RBM20: variants seen among roughly 807,000 people sequenced by gnomAD.
RBM20 encodes the protein RNA binding motif protein 20, also known as RNA-binding protein 20.
Under a neutral mutation model 110.1 loss-of-function variants are expected in RBM20, and 51 were observed. That is an observed-to-expected ratio of 0.46 (90% confidence interval 0.37 to 0.59). The LOEUF is 0.59. RBM20 is among the 20% of genes least tolerant of loss of function. RBM20 has a pLI of 0.00. For synonymous variants in RBM20, 589 were observed against 618.2 expected, an observed-to-expected ratio of 0.95 and a Z score of 0.70; for missense variants, 1,512 against 1,574.9, an observed-to-expected ratio of 0.96 and a Z score of 0.68.
intron 1 of RBM20, among the ~76,000 whole-genome samples, chr10:110,706,016 G>A (rs898070959): frequency 6.6e-5 from 10 of 151,840 alleles, no homozygotes; most frequent in Admixed American, 2.6e-4. Context: ...GGGAGGTGGC[G>A]TTTGCAGTGA....
At chr10:110,719,839 C>G (rs1843483460) in intron 1 of RBM20, among the ~76,000 whole-genome samples, 2 of 152,116 alleles carry the variant, frequency 1.3e-5, no homozygotes, top group African/African-American at 4.8e-5. Context: ...GTAAAGCATT[C>G]CTCCTCCTTC....
intron 1 of RBM20, among the ~76,000 whole-genome samples, chr10:110,713,053 T>C (rs989419473): frequency 3.3e-5 from 5 of 152,246 alleles, no homozygotes; most frequent in Admixed American, 2.0e-4. Context: ...ATGCTTCTTT[T>C]GTTCTGTCCA....
chr10:110,792,364 C>G (rs976611882), intron 5 of RBM20, among the ~76,000 whole-genome samples: 1 of 152,158 alleles, frequency 6.6e-6, no homozygotes, highest in Non-Finnish European at 1.5e-5. Context: ...GTAACACATC[C>G]TTTAACTGTT....
intron 1 of RBM20, among the ~76,000 whole-genome samples, chr10:110,744,374 C>T (rs923454133): frequency 1.3e-5 from 2 of 152,074 alleles, no homozygotes; most frequent in African/African-American, 2.4e-5. Context: ...TCACCAGCAC[C>T]GGGCTGATGC....
chr10:110,706,765 G>A (rs953970932), intron 1 of RBM20, among the ~76,000 whole-genome samples: 25 of 152,348 alleles, frequency 1.6e-4, no homozygotes, highest in African/African-American at 6.0e-4. Context: ...AGGGTTGGTT[G>A]TAGTCAGGCC....
At chr10:110,647,401 C>T (rs1041416880) in intron 1 of RBM20, among the ~76,000 whole-genome samples, 1 of 152,124 alleles carries the variant, frequency 6.6e-6, no homozygotes. Context: ...TCATCCATAC[C>T]TTTTCTGCTC....
Position 110,810,436 on chromosome 10 carries a change from G to T in RBM20, c.1854G>T (p.Glu618Asp), listed in dbSNP as rs1157677812. Residue 618 changes from glutamate (E) to aspartate (D), a missense_variant, in exon 8 of 14, where the codon GAG (glutamate) becomes GAT (aspartate). Physicochemically the swap from Glu to Asp is conservative, Grantham distance 45. Coordinates refer to ENST00000369519, the MANE Select transcript of RBM20 (RefSeq NM_001134363.3). ...TCCAGGACATCCATTCCCAGAGGGA[G>T]AGGGACATGTTCCGGGAAGCAGACA... is the stretch of plus-strand genomic sequence containing the variant. ...AIIQDIHSQR[E>D]RDMFREADRY... 5 of 1,551,450 alleles carry T rather than the reference G, an allele frequency of 3.2e-6. No individual in the cohort carries two copies. The highest frequency in any genetic ancestry group is 4.4e-6 in the Non-Finnish European group (5 of 1,146,908).
chr10:110,725,703 G>A (rs1445004326), intron 1 of RBM20, among the ~76,000 whole-genome samples: 3 of 152,242 alleles, frequency 2.0e-5, no homozygotes, highest in Non-Finnish European at 4.4e-5. Flanking sequence ...GTGACATCTT[G>A]CTTGGTTGTG....
At chr10:110,675,447 T>C (rs1862326129) in intron 1 of RBM20, among the ~76,000 whole-genome samples, 1 of 152,182 alleles carries the variant, frequency 6.6e-6, no homozygotes, top group Non-Finnish European at 1.5e-5. Context: ...TTACATGTAG[T>C]ATCTTATTTA....
chr10:110,754,492 T>A lies in RBM20; in HGVS notation c.192-26309T>A, dbSNP rs577390615. ...AATATATGTTGGGCCTTCTGACTTA[T>A]CCCCTATAGTCTAAATCCACTCTTC... On this transcript the variant is annotated intron_variant, in intron 1 of 13. Transcript: ENST00000369519. Among the ~76,000 whole-genome samples, 619 of 152,342 alleles carry A rather than the reference T, an allele frequency of 4.1e-3. 5 individuals are homozygous for A. The highest frequency in any genetic ancestry group is 8.6e-3 in the Admixed American group (132 of 15,302).
Position 110,812,759 on chromosome 10 carries a change from G to T in RBM20, c.2362G>T (p.Ala788Ser), listed in dbSNP as rs765544509. 49 of 1,551,734 alleles carry T rather than the reference G, an allele frequency of 3.2e-5. 1 individual carries two copies. In the South Asian group the frequency reaches 4.8e-4, roughly 15 times the overall value. Reference sequence around the variant, plus strand: ...CGGGAGGTCCAGGAGGAAAGACGAGGCCAGGCTGCGGGAAAGCAGACACCC... The same window carrying T: ...CGGGAGGTCCAGGAGGAAAGACGAGTCCAGGCTGCGGGAAAGCAGACACCC... ...APGRSRRKDE[A>S]RLRESRHPHP... Residue 788 changes from alanine (A) to serine (S), a missense_variant, in exon 9 of 14, where the codon GCC (alanine) becomes TCC (serine). By Grantham distance (99) the Ala-to-Ser change is moderately conservative. This residue lies in a region of RBM20 where 1,149 missense variants were observed against 1,169.4 expected (regional missense o/e 0.98). Transcript: ENST00000369519.
At chr10:110,689,573 A>G (rs1415182694) in intron 1 of RBM20, among the ~76,000 whole-genome samples, 1 of 152,170 alleles carries the variant, frequency 6.6e-6, no homozygotes, top group African/African-American at 2.4e-5. Flanking sequence ...ATGTATAACT[A>G]TTTTATATCT....
At chr10:110,684,010 G>C (rs1468484689) in intron 1 of RBM20, among the ~76,000 whole-genome samples, 1 of 152,136 alleles carries the variant, frequency 6.6e-6, no homozygotes, top group Non-Finnish European at 1.5e-5. Context: ...TATATTTTGG[G>C]GCGGCGGGAG....
intron 1 of RBM20, among the ~76,000 whole-genome samples, chr10:110,763,015 CGCTTTT>C (rs1844027428): frequency 1.3e-5 from 2 of 152,098 alleles, no homozygotes; most frequent in African/African-American, 4.8e-5. Flanking sequence ...CTGGGACTGG[CGCTTTT>C]AGGTGTCTGT....
At chr10:110,813,356 G>A (rs201515466) in intron 9 of RBM20, among the ~76,000 whole-genome samples, 1 of 152,332 alleles carries the variant, frequency 6.6e-6, no homozygotes, top group East Asian at 1.9e-4. Flanking sequence ...GTGGCCTGAG[G>A]TGTTTGCACC....
At chr10:110,731,880 C>T (rs575512040) in intron 1 of RBM20, among the ~76,000 whole-genome samples, 4 of 152,292 alleles carry the variant, frequency 2.6e-5, no homozygotes, top group African/African-American at 9.6e-5. Context: ...TAGTAAGATT[C>T]GAGGTATAAA....
intron 1 of RBM20, among the ~76,000 whole-genome samples, chr10:110,755,651 C>T (rs1010727884): frequency 6.6e-6 from 1 of 152,164 alleles, no homozygotes. Flanking sequence ...TTTTTATTTG[C>T]TTTAAGATAT....
At chr10:110,729,306 G>T (rs759268143) in intron 1 of RBM20, among the ~76,000 whole-genome samples, 2 of 152,136 alleles carry the variant, frequency 1.3e-5, no homozygotes, top group Non-Finnish European at 2.9e-5. Context: ...TCTCTCCTGC[G>T]AGGGGTTGTC....
intron 1 of RBM20, among the ~76,000 whole-genome samples, chr10:110,673,341 A>G (rs1862288455): frequency 6.6e-6 from 1 of 152,088 alleles, no homozygotes; most frequent in African/African-American, 2.4e-5. Flanking sequence ...CTTCCCAAGT[A>G]GCTGGGATTA....
Sources: gnomAD v4.1 joint callset for allele counts (sites outside exome capture counted in the v4.1 genomes callset) on GRCh38, gnomAD v4.1.1 for gene constraint, gnomAD v4.1.1 regional missense constraint, MANE v1.5 for transcripts, NCBI Gene and HGNC (gene_info 2026-07-23, HGNC 2026-07-21) for gene names.